TP63: variants seen among roughly 807,000 people sequenced by gnomAD.
TP63 encodes tumor protein 63.
Under a neutral mutation model 82.8 loss-of-function variants are expected in TP63, and 17 were observed. The ratio of observed to expected loss-of-function variants is 0.21; its 90% CI spans 0.14 to 0.31. The LOEUF is 0.31. Among genes scored for constraint, TP63 ranks in the 10% least tolerant of loss-of-function variants. The pLI is 1.00. For synonymous variants in TP63, 330 were observed against 321.7 expected (o/e 1.03, Z -0.28); for missense variants, 648 against 895.3 (o/e 0.72, Z 3.52).
At chr3:189,708,023 T>C (rs1043742965) in intron 1 of TP63, among the ~76,000 whole-genome samples, 1 of 152,234 alleles carries the variant, frequency 6.6e-6, no homozygotes, top group African/African-American at 2.4e-5. Context: ...TCCATGTCGT[T>C]CCATTGCCTT....
intron 4 of TP63, among the ~76,000 whole-genome samples, chr3:189,856,852 A>C (rs1206675476): frequency 6.6e-6 from 1 of 152,062 alleles, no homozygotes. Flanking sequence ...AAACTATAAA[A>C]CATTTCTGAG....
intron 4 of TP63, among the ~76,000 whole-genome samples, chr3:189,853,836 C>T (rs1011472836): frequency 1.3e-5 from 2 of 152,104 alleles, no homozygotes; most frequent in African/African-American, 4.8e-5. Flanking sequence ...AAATGTATTA[C>T]CTAGTAGTTA....
In TP63 at chr3:189,834,888, C is replaced by CTTTT. The variant is rs10641824; in HGVS notation, c.579+26372_579+26375dup. 1.6e-3 allele frequency among the ~76,000 whole-genome samples: 218 copies of CTTTT among 138,714 alleles called. 2 individuals are homozygous for CTTTT. Among genetic ancestry groups the CTTTT allele is most frequent in the Middle Eastern group, 3.8e-3 (1 of 262 alleles). 91.0% of individuals were successfully genotyped at this position (138,714 alleles called of 152,430 possible). A position where few individuals can be genotyped will look rare whatever the true frequency, so the allele number is the denominator to read the frequency against. On this transcript the variant is annotated intron_variant, in intron 4 of 13. Transcript: ENST00000264731. ...ATGTTGATTTCATATGGTTTTTTTCCTTTTTTTTTTTTTGTCTTTGCTAAA... is the reference window on the plus strand; with the variant it reads ...ATGTTGATTTCATATGGTTTTTTTCCTTTTTTTTTTTTTTTTTGTCTTTGCTAAA...
intron 1 of TP63, among the ~76,000 whole-genome samples, chr3:189,688,176 C>T (rs1431802073): frequency 6.6e-6 from 1 of 152,128 alleles, no homozygotes; most frequent in Non-Finnish European, 1.5e-5. Flanking sequence ...GAGGAAAATG[C>T]ACTAAAATTA....
chr3:189,737,904 G>C, intron 2 of TP63, 36 bp downstream of exon 2: 1 of 1,612,862 alleles, frequency 6.2e-7, no homozygotes, highest in Non-Finnish European at 8.5e-7. Flanking sequence ...TTTTGCTTGA[G>C]CTAAATAGGT....
intron 3 of TP63, among the ~76,000 whole-genome samples, chr3:189,784,290 C>T (rs1724435608): frequency 6.6e-6 from 1 of 152,020 alleles, no homozygotes; most frequent in African/African-American, 2.4e-5. Flanking sequence ...ACAATCATAG[C>T]ATGGGCTATA....
At chr3:189,722,093 GGA>G (rs1163566724) in intron 1 of TP63, among the ~76,000 whole-genome samples, 1 of 152,190 alleles carries the variant, frequency 6.6e-6, no homozygotes, top group Admixed American at 6.5e-5. Flanking sequence ...GAGTAGGAAA[GGA>G]GAGACAAGAA....
At chr3:189,600,947 A>G in the TP63 span, among the ~76,000 whole-genome samples, 34 of 152,358 alleles carry the variant, frequency 2.2e-4, no homozygotes, top group African/African-American at 7.5e-4. Flanking sequence ...TGTCTTTGCT[A>G]TATAGAGAAA....
chr3:189,805,403 A>G (rs1037813547), intron 3 of TP63, among the ~76,000 whole-genome samples: 2 of 152,244 alleles, frequency 1.3e-5, no homozygotes, highest in African/African-American at 4.8e-5. Context: ...AAGACAGATA[A>G]TTATTAATGT....
intron 10 of TP63, among the ~76,000 whole-genome samples, chr3:189,883,047 A>G (rs1419961467): frequency 1.3e-5 from 2 of 152,142 alleles, no homozygotes; most frequent in African/African-American, 4.8e-5. Flanking sequence ...TGGGTTTTGG[A>G]TAGGAGAGGA....
chr3:189,883,190 T>TA (rs144951424), intron 10 of TP63, among the ~76,000 whole-genome samples: 21 of 148,274 alleles, frequency 1.4e-4, no homozygotes, highest in East Asian at 8.0e-4. Context: ...GTAATTTTTT[T>TA]TAAAAAAGGT....
At position 189,648,016 on chromosome 3, in the gene TP63, T is replaced by G. The variant is rs977107135; in HGVS notation, c.62+16439T>G. Among the ~76,000 whole-genome samples, 4 of 147,232 alleles carry G rather than the reference T, an allele frequency of 2.7e-5. 2 individuals are homozygous for G. The highest frequency in any genetic ancestry group is 1.0e-4 in the African/African-American group (4 of 39,364). ...TTAAATAAACGAATTTCAAAAGATT[T>G]TACAGTAATGTTTTTTAAAGATATG... On this transcript the variant is annotated intron_variant, in intron 1 of 13. Transcript: ENST00000264731.
At chr3:189,655,172 TA>T (rs1375375204) in intron 1 of TP63, among the ~76,000 whole-genome samples, 3 of 152,316 alleles carry the variant, frequency 2.0e-5, no homozygotes, top group Non-Finnish European at 4.4e-5. Flanking sequence ...TCTGCTTCTA[TA>T]AAAGTTTTAA....
chr3:189,782,367 G>A (rs780883503), intron 3 of TP63, among the ~76,000 whole-genome samples: 41 of 152,120 alleles, frequency 2.7e-4, no homozygotes, highest in Non-Finnish European at 5.1e-4. Flanking sequence ...TTCCTTGCTG[G>A]CAGTTGACTG....
At chr3:189,875,629 T>TATATATATATATATAC in intron 10 of TP63, among the ~76,000 whole-genome samples, 1 of 114,234 alleles carries the variant, frequency 8.8e-6, no homozygotes, top group African/African-American at 3.0e-5. Flanking sequence ...TATATATATA[T>TATATATATATATATAC]ATATATATAA....
intron 3 of TP63, among the ~76,000 whole-genome samples, chr3:189,773,462 C>T (rs1723525137): frequency 6.6e-6 from 1 of 152,160 alleles, no homozygotes; most frequent in Middle Eastern, 3.2e-3. Flanking sequence ...AGTATGCTTC[C>T]ATTAATTTTG....
intron 10 of TP63, among the ~76,000 whole-genome samples, chr3:189,883,945 A>T (rs1720181575): frequency 6.6e-6 from 1 of 151,954 alleles, no homozygotes; most frequent in Non-Finnish European, 1.5e-5. Context: ...CAGAAAAAAA[A>T]AAAAGCAAAA....
chr3:189,602,138 G>A, the TP63 span, among the ~76,000 whole-genome samples: 1 of 152,154 alleles, frequency 6.6e-6, no homozygotes, highest in Non-Finnish European at 1.5e-5. Context: ...TGAAAAATGA[G>A]GACAATAACA....
At chr3:189,870,705 GC>G (rs1369059660) in intron 9 of TP63, among the ~76,000 whole-genome samples, 1 of 152,122 alleles carries the variant, frequency 6.6e-6, no homozygotes, top group South Asian at 2.1e-4. Flanking sequence ...GATTATGGTT[GC>G]AGTTAGTTAG....
Sources: allele counts gnomAD v4.1 joint callset (sites outside exome capture counted in the v4.1 genomes callset), GRCh38; gene constraint gnomAD v4.1.1; transcripts MANE v1.5; gene names NCBI Gene and HGNC (gene_info 2026-07-23, HGNC 2026-07-21).